Variants in SLC2A13 observed in about 807,000 individuals in gnomAD.
SLC2A13 encodes solute carrier family 2 member 13.
SLC2A13 carries 32 observed loss-of-function variants against 64.4 expected under a neutral mutation model. The ratio of observed to expected loss-of-function variants is 0.50; its 90% CI spans 0.37 to 0.67. The LOEUF (loss-of-function observed/expected upper bound fraction) is 0.67. Ranked by LOEUF, SLC2A13 falls within the 30% of genes least tolerant of loss-of-function variation. The pLI is 0.00. For synonymous variants in SLC2A13, 338 were observed against 327.1 expected, an observed-to-expected ratio of 1.03 and a Z score of -0.36; for missense variants, 743 against 829.2, an observed-to-expected ratio of 0.90 and a Z score of 1.28.
chr12:39,963,767 G>A (rs142736680), intron 3 of SLC2A13, among the ~76,000 whole-genome samples: 1 of 152,220 alleles, frequency 6.6e-6, no homozygotes, highest in Non-Finnish European at 1.5e-5. Flanking sequence ...AGTTTTATAT[G>A]GATATTGAGT....
intron 7 of SLC2A13, among the ~76,000 whole-genome samples, chr12:39,787,489 A>T (rs1031322923): frequency 6.6e-5 from 10 of 152,116 alleles, no homozygotes; most frequent in African/African-American, 2.4e-4. Flanking sequence ...CTAGGAGATT[A>T]TTTTTTTCCT....
chr12:40,054,411 C>CT (rs1948304896), intron 1 of SLC2A13, among the ~76,000 whole-genome samples: 1 of 152,140 alleles, frequency 6.6e-6, no homozygotes, highest in Admixed American at 6.5e-5. Flanking sequence ...CCATACTAAA[C>CT]TCACACATTG....
intron 1 of SLC2A13, among the ~76,000 whole-genome samples, chr12:40,069,811 T>C (rs1490942548): frequency 6.6e-6 from 1 of 152,202 alleles, no homozygotes; most frequent in African/African-American, 2.4e-5. Flanking sequence ...TTACTTGCTA[T>C]GACTTCTTAA....
rs375253498 is a variant in SLC2A13, at chr12:39,774,070, C to G, written c.1446-9212G>C. On this transcript the variant is annotated intron_variant, in intron 7 of 9. Transcript: ENST00000280871. ...CCTCTAAAAGTTAACCCTAATAGTT[C>G]TTTGTTGATAGAAAGTTAACCCTAA... is the stretch of plus-strand genomic sequence containing the variant. Among the ~76,000 whole-genome samples the G allele has an allele frequency of 2.0e-5, 3 of 152,104 alleles. No individual in the cohort carries two copies. The East Asian group carries it at 5.8e-4, about 29-fold the overall frequency.
chr12:39,941,512 C>T (rs997788674), intron 4 of SLC2A13, among the ~76,000 whole-genome samples: 1 of 152,084 alleles, frequency 6.6e-6, no homozygotes, highest in African/African-American at 2.4e-5. Flanking sequence ...TTTGCACTTC[C>T]CTGATCATTA....
At chr12:39,874,385 G>A (rs781550131) in intron 4 of SLC2A13, among the ~76,000 whole-genome samples, 3 of 152,086 alleles carry the variant, frequency 2.0e-5, no homozygotes, top group South Asian at 2.1e-4. Flanking sequence ...AGGCCAAGGC[G>A]GGTGGATCAC....
In SLC2A13 at chr12:40,028,014, G is replaced by A. The variant is rs1033787476; in HGVS notation, c.925+287C>T. Among the ~76,000 whole-genome samples the A allele has an allele frequency of 3.9e-5, 6 of 152,148 alleles. No individual in the cohort carries two copies. The East Asian group carries it at 5.8e-4, about 15-fold the overall frequency. ...AAACTAGTACATGAGGTACTCATAC[G>A]CTTTATAAAAATTAGTATGAAAATT... On this transcript the variant is annotated intron_variant, in intron 3 of 9. Transcript: ENST00000280871.
At chr12:39,984,348 A>G (rs1946987679) in intron 3 of SLC2A13, among the ~76,000 whole-genome samples, 1 of 152,176 alleles carries the variant, frequency 6.6e-6, no homozygotes. Flanking sequence ...AAGTGCTTAT[A>G]AAATATGAGA....
intron 4 of SLC2A13, among the ~76,000 whole-genome samples, chr12:39,896,518 A>G (rs1008671723): frequency 1.4e-5 from 2 of 138,486 alleles, no homozygotes; most frequent in Non-Finnish European, 3.2e-5. Flanking sequence ...ACATGTGTGT[A>G]TACATGTATA....
At chr12:40,098,275 G>A (rs1939030971) in intron 1 of SLC2A13, among the ~76,000 whole-genome samples, 1 of 152,158 alleles carries the variant, frequency 6.6e-6, no homozygotes, top group Non-Finnish European at 1.5e-5. Context: ...CTTACGTGAA[G>A]TATCCAAAGC....
rs145346139 is a variant in SLC2A13, at chr12:39,861,079, C to T, written c.1319+3683G>A. The stretch of plus-strand genomic sequence containing the variant: ...TTCTTTCAGTTCCTTGCACTTGCCA[C>T]GTTCCTTACTGCCTTGCAGGATCTT... On this transcript the variant is annotated intron_variant, in intron 6 of 9. Transcript: ENST00000280871. Among the ~76,000 whole-genome samples the T allele has an allele frequency of 5.3e-4, 81 of 152,344 alleles. No homozygotes were observed. The East Asian group carries it at 9.6e-3, about 18-fold the overall frequency.
chr12:40,105,675 G>T lies in SLC2A13; in HGVS notation c.134C>A (p.Ala45Asp), dbSNP rs1454996917. The change falls in exon 1 of 10, where the codon GCC (alanine) becomes GAC (aspartate). Residue 45 changes from alanine to aspartate, a missense_variant. Physicochemically the swap from Ala to Asp is moderately radical, Grantham distance 126 (BLOSUM62 -2). Coordinates refer to ENST00000280871, the MANE Select transcript of SLC2A13 (RefSeq NM_052885.4). This position sits in a 1 kb window ranked among gnomAD's most constrained non-coding sequence, Gnocchi z 4.2. ...AAGECSLLAA[A>D]ESSTSLQSAG... ...GCTCTGCAGGCTGGTGCTCGATTCGGCGGCAGCCAGGAGGCTGCACTCCCC... is the reference window on the plus strand; with the variant it reads ...GCTCTGCAGGCTGGTGCTCGATTCGTCGGCAGCCAGGAGGCTGCACTCCCC... 3 of 1,491,000 alleles carry T rather than the reference G, an allele frequency of 2.0e-6. No individual in the cohort carries two copies. The highest frequency in any genetic ancestry group is 2.7e-6 in the Non-Finnish European group (3 of 1,122,466). The allele number at this position is 1,491,000 out of a possible 1,614,324, so 92.4% of individuals were successfully genotyped here.
At chr12:40,063,638 G>A (rs1279438724) in intron 1 of SLC2A13, among the ~76,000 whole-genome samples, 1 of 152,086 alleles carries the variant, frequency 6.6e-6, no homozygotes, top group African/African-American at 2.4e-5. Context: ...GCAATGAAAT[G>A]ACAATAGCCA....
intron 7 of SLC2A13, among the ~76,000 whole-genome samples, chr12:39,783,974 A>C (rs1456845982): frequency 6.6e-6 from 1 of 152,218 alleles, no homozygotes; most frequent in African/African-American, 2.4e-5. Context: ...TCCCATTCAC[A>C]ATTGCTTCAA....
At chr12:39,953,413 A>G (rs1470503841) in intron 3 of SLC2A13, among the ~76,000 whole-genome samples, 1 of 152,142 alleles carries the variant, frequency 6.6e-6, no homozygotes, top group Admixed American at 6.5e-5. Context: ...AAATTAAAGA[A>G]TTTCCTTTCA....
intron 3 of SLC2A13, among the ~76,000 whole-genome samples, chr12:40,003,270 G>C (rs187387738): frequency 7.9e-5 from 12 of 152,262 alleles, no homozygotes; most frequent in East Asian, 3.9e-4. Context: ...ACTTCAAAAA[G>C]AATAGTATAT....
chr12:39,767,637 T>C (rs1054166704), intron 7 of SLC2A13, among the ~76,000 whole-genome samples: 2 of 152,054 alleles, frequency 1.3e-5, no homozygotes, highest in African/African-American at 2.4e-5. Context: ...ATCTGTTGTT[T>C]AGTATAGCCA....
chr12:39,784,300 C>A (rs1941105723), intron 7 of SLC2A13, among the ~76,000 whole-genome samples: 1 of 152,150 alleles, frequency 6.6e-6, no homozygotes, highest in Admixed American at 6.5e-5. Context: ...AAGCTGGAGG[C>A]ATCACGCTAC....
intron 2 of SLC2A13, among the ~76,000 whole-genome samples, 178 bp from the exon 3 acceptor site, chr12:40,028,687 A>G (rs1947861808): frequency 6.6e-6 from 1 of 152,212 alleles, no homozygotes; most frequent in South Asian, 2.1e-4. Context: ...TGCTGCACTG[A>G]AAATTAAAAA....
Sources: gnomAD v4.1 joint callset for allele counts (sites outside exome capture counted in the v4.1 genomes callset) on GRCh38, gnomAD v4.1.1 for gene constraint, Gnocchi (gnomAD v3.1) non-coding constraint, MANE v1.5 for transcripts, NCBI Gene and HGNC (gene_info 2026-07-23, HGNC 2026-07-21) for gene names.